Variants in PDLIM1 observed in about 807,000 individuals in gnomAD.
PDLIM1 encodes the protein PDZ and LIM domain 1.
A neutral mutation model predicts 35.2 loss-of-function variants in PDLIM1; 25 were observed. That is an observed-to-expected ratio of 0.71 (90% confidence interval 0.52 to 0.99). The LOEUF is 0.99. PDLIM1 is among the 50% of genes least tolerant of loss of function. PDLIM1 has a pLI of 0.00. For synonymous variants in PDLIM1, 152 were observed against 154.0 expected (o/e 0.99, Z 0.10); for missense variants, 363 against 415.3 (o/e 0.87, Z 1.09).
chr10:95,238,457 G>A, intron 6 of PDLIM1, 111 bp downstream of exon 6: 2 of 758,610 alleles, frequency 2.6e-6, no homozygotes. Context: ...ATTTTTCCAG[G>A]AGGGATTTGT....
chr10:95,250,794 C>T (rs573105584), intron 4 of PDLIM1, among the ~76,000 whole-genome samples: 5 of 152,282 alleles, frequency 3.3e-5, no homozygotes, highest in South Asian at 4.1e-4. Context: ...AGTAACAATA[C>T]GTTACACAAA....
intron 1 of PDLIM1, among the ~76,000 whole-genome samples, chr10:95,277,138 C>A (rs2035518996): frequency 1.3e-5 from 2 of 152,014 alleles, no homozygotes; most frequent in South Asian, 2.1e-4. Context: ...TAGCTTGTAC[C>A]CAGGAGGTAG....
chr10:95,259,092 C>G lies in PDLIM1; in HGVS notation c.533+4772G>C, dbSNP rs1373556164. Reference sequence around the variant, plus strand: ...GCTATAAAAGAGCGACATGAGAAACCCTTGCAGAGATGGAAATGTTCAGTA... The same window carrying G: ...GCTATAAAAGAGCGACATGAGAAACGCTTGCAGAGATGGAAATGTTCAGTA... On this transcript the variant is annotated intron_variant, in intron 4 of 6. Transcript: ENST00000329399. Among the ~76,000 whole-genome samples, 10 of 152,060 alleles carry G rather than the reference C, an allele frequency of 6.6e-5. No individual in the cohort carries two copies. The East Asian group carries it at 9.7e-4, about 15-fold the overall frequency.
chr10:95,238,987 T>C (rs12778837), intron 5 of PDLIM1: 83,055 of 235,176 alleles, frequency 0.35, 16,551 homozygotes, highest in Middle Eastern at 0.49. Context: ...GCTACAGTAA[T>C]CAAAACGACA....
chr10:95,247,350 G>C lies in PDLIM1; in HGVS notation c.550C>G (p.Pro184Ala). ...ANSRPLDHAQ[P>A]PSSLVIDKES... ...TTGTCGATGACAAGGCTGCTTGGAG[G>C]CTGAGCATGGTCTAAGCTGTAAAGA... The change falls in exon 5 of 7, where the codon CCT becomes GCT. Residue 184 changes from proline to alanine, a missense_variant. Coordinates refer to ENST00000329399, the MANE Select transcript of PDLIM1 (RefSeq NM_020992.4). The C allele has an allele frequency of 6.2e-7, 1 of 1,613,786 alleles. No individual in the cohort carries two copies. Among genetic ancestry groups the C allele is most frequent in the African/African-American group, 1.3e-5 (1 of 75,026 alleles).
intron 4 of PDLIM1, among the ~76,000 whole-genome samples, chr10:95,251,330 T>C (rs1169990992): frequency 6.6e-6 from 1 of 151,854 alleles, no homozygotes; most frequent in Admixed American, 6.6e-5. Flanking sequence ...CTCACACCTT[T>C]AGGAGGCCGA....
chr10:95,255,627 T>A (rs754845767), intron 4 of PDLIM1, among the ~76,000 whole-genome samples: 1 of 152,114 alleles, frequency 6.6e-6, no homozygotes, highest in African/African-American at 2.4e-5. Context: ...GAAAGGAAAT[T>A]ACCTCCACAT....
chr10:95,252,505 A>G (rs2035275959), intron 4 of PDLIM1, among the ~76,000 whole-genome samples: 2 of 152,256 alleles, frequency 1.3e-5, no homozygotes, highest in Admixed American at 1.3e-4. Flanking sequence ...GATTCAGTTG[A>G]AAAATCACAT....
At chr10:95,281,965 C>CT (rs1343223379) in intron 1 of PDLIM1, among the ~76,000 whole-genome samples, 1 of 152,148 alleles carries the variant, frequency 6.6e-6, no homozygotes, top group Non-Finnish European at 1.5e-5. Flanking sequence ...TTTGTTAAAT[C>CT]TTATATGTGT....
At chr10:95,289,488 A>C (rs2035633029) in intron 1 of PDLIM1, among the ~76,000 whole-genome samples, 1 of 152,138 alleles carries the variant, frequency 6.6e-6, no homozygotes, top group South Asian at 2.1e-4. Flanking sequence ...CTACTCTTTT[A>C]GGGGGGTGAG....
chr10:95,255,864 T>C (rs1015575900), intron 4 of PDLIM1, among the ~76,000 whole-genome samples: 8 of 146,136 alleles, frequency 5.5e-5, no homozygotes, highest in African/African-American at 2.0e-4. Flanking sequence ...GATGCGATGA[T>C]CGAATACACA....
At chr10:95,245,587 A>T (rs772585631) in intron 5 of PDLIM1, among the ~76,000 whole-genome samples, 68 of 152,212 alleles carry the variant, frequency 4.5e-4, no homozygotes, top group Non-Finnish European at 9.0e-4. Flanking sequence ...ATGTTTTTAC[A>T]AAGCTATCAT....
intron 1 of PDLIM1, among the ~76,000 whole-genome samples, chr10:95,272,701 A>T (rs2035476175): frequency 6.6e-6 from 1 of 152,142 alleles, no homozygotes; most frequent in Non-Finnish European, 1.5e-5. Context: ...AATTTAAAAA[A>T]AAATTGTTAA....
intron 1 of PDLIM1, among the ~76,000 whole-genome samples, chr10:95,286,082 G>A (rs931058477): frequency 6.6e-6 from 1 of 152,172 alleles, no homozygotes; most frequent in African/African-American, 2.4e-5. Context: ...AAAAAAGTGG[G>A]CTCTTGGCTC....
intron 4 of PDLIM1, among the ~76,000 whole-genome samples, chr10:95,256,802 T>A (rs1278220967): frequency 6.6e-6 from 1 of 150,590 alleles, no homozygotes; most frequent in Non-Finnish European, 1.5e-5. Context: ...TGAAACTCCA[T>A]CTCTACCAAA....
chr10:95,240,289 C>CA (rs1397370066), intron 5 of PDLIM1, among the ~76,000 whole-genome samples: 1 of 152,228 alleles, frequency 6.6e-6, no homozygotes, highest in African/African-American at 2.4e-5. Flanking sequence ...GGTACGTATA[C>CA]ACCAGGGAAT....
At chr10:95,244,013 T>C (rs1278925417) in intron 5 of PDLIM1, among the ~76,000 whole-genome samples, 1 of 152,180 alleles carries the variant, frequency 6.6e-6, no homozygotes, top group Admixed American at 6.5e-5. Flanking sequence ...AAAAGAGTTC[T>C]ATGGATGGAT....
At chr10:95,279,928 C>T (rs45488499) in intron 1 of PDLIM1, among the ~76,000 whole-genome samples, 2,489 of 152,270 alleles carry the variant, frequency 0.016, 77 homozygotes, top group African/African-American at 0.055. Flanking sequence ...GCAAACAGGC[C>T]ATATGCTTCA....
chr10:95,282,813 G>A (rs1051487456), intron 1 of PDLIM1, among the ~76,000 whole-genome samples: 3 of 152,066 alleles, frequency 2.0e-5, no homozygotes, highest in South Asian at 2.1e-4. Flanking sequence ...GTGTGATGGC[G>A]CACGCTTGTA....
Sources: gnomAD v4.1 joint callset for allele counts (sites outside exome capture counted in the v4.1 genomes callset) on GRCh38, gnomAD v4.1.1 for gene constraint, MANE v1.5 for transcripts, NCBI Gene and HGNC (gene_info 2026-07-23, HGNC 2026-07-21) for gene names.